Variants in DACH2 observed in about 807,000 individuals in gnomAD.
DACH2 encodes the protein dachshund family transcription factor 2.
DACH2 carries 17 observed loss-of-function variants against 35.8 expected under a neutral mutation model. The ratio of observed to expected loss-of-function variants is 0.48; its 90% CI spans 0.33 to 0.71. DACH2 has a LOEUF of 0.71. DACH2 is among the 30% of genes least tolerant of loss of function. The pLI is 0.02. For missense variants in DACH2, 469 were observed against 472.7 expected (o/e 0.99, Z 0.07); for synonymous variants, 195 against 177.3 (o/e 1.10, Z -0.79).
chrX:86,731,871 C>A (rs1255524064), intron 6 of DACH2, among the ~76,000 whole-genome samples: 1 of 111,585 alleles, frequency 9.0e-6, no homozygotes, highest in Non-Finnish European at 1.9e-5. Context: ...GATTTCCTTG[C>A]CTTCATGGAT....
intron 1 of DACH2, among the ~76,000 whole-genome samples, chrX:86,301,350 T>A (rs1001067239): frequency 8.9e-6 from 1 of 112,077 alleles, no homozygotes; most frequent in Admixed American, 9.5e-5. Flanking sequence ...ATAAATATAT[T>A]ACTGAAGACA....
chrX:86,396,369 C>T (rs1223339669), intron 2 of DACH2, among the ~76,000 whole-genome samples: 2 of 94,501 alleles, frequency 2.1e-5, no homozygotes, highest in Non-Finnish European at 4.2e-5. Context: ...GTTTCTTTTG[C>T]TGTGCAGAAG....
intron 7 of DACH2, among the ~76,000 whole-genome samples, chrX:86,767,991 T>C (rs1265753382): frequency 9.0e-6 from 1 of 111,731 alleles, no homozygotes; most frequent in East Asian, 2.8e-4. Context: ...GTTCATTCGC[T>C]GGTGGCTTGT....
At chrX:86,715,673 A>G (rs2041328210) in intron 6 of DACH2, among the ~76,000 whole-genome samples, 1 of 111,902 alleles carries the variant, frequency 8.9e-6, no homozygotes, top group African/African-American at 3.3e-5. Flanking sequence ...AGGAGCTCCC[A>G]AACATAAATG....
intron 3 of DACH2, among the ~76,000 whole-genome samples, chrX:86,638,933 AT>A (rs2148396180): frequency 8.9e-6 from 1 of 112,209 alleles, no homozygotes; most frequent in Non-Finnish European, 1.9e-5. Flanking sequence ...AAAAGGAATT[AT>A]TATATCAAAA....
chrX:86,799,157 C>CTTGG, intron 7 of DACH2: 1 of 310,734 alleles, frequency 3.2e-6, no homozygotes, highest in Non-Finnish European at 6.2e-6. Context: ...CCCTGGAACT[C>CTTGG]TTGGTTCTCG....
At chrX:86,444,438 C>T (rs1035279112) in intron 2 of DACH2, among the ~76,000 whole-genome samples, 43 of 111,354 alleles carry the variant, frequency 3.9e-4, no homozygotes, top group African/African-American at 1.4e-3. Context: ...GTCATGAGGT[C>T]CTGGGCTTTT....
At chrX:86,296,265 C>A (rs771944717) in intron 1 of DACH2, among the ~76,000 whole-genome samples, 1 of 102,146 alleles carries the variant, frequency 9.8e-6, no homozygotes, top group African/African-American at 3.6e-5. Context: ...CCTGTAGTCC[C>A]AGCTACTCGG....
chrX:86,265,291 C>A (rs1291595330), intron 1 of DACH2, among the ~76,000 whole-genome samples: 1 of 111,696 alleles, frequency 9.0e-6, no homozygotes, highest in Non-Finnish European at 1.9e-5. Flanking sequence ...TATTTATTTA[C>A]TTCCAATAGT....
At chrX:86,577,562 A>C (rs779520586) in intron 3 of DACH2, among the ~76,000 whole-genome samples, 1 of 111,832 alleles carries the variant, frequency 8.9e-6, no homozygotes, top group Non-Finnish European at 1.9e-5. Flanking sequence ...ATTTTAAAAT[A>C]TTTGTTTGGT....
intron 1 of DACH2, among the ~76,000 whole-genome samples, chrX:86,287,499 G>A (rs927242017): frequency 9.0e-6 from 1 of 111,254 alleles, no homozygotes; most frequent in Admixed American, 9.6e-5. Flanking sequence ...TTCTCTGCCT[G>A]CTCTTTATGG....
chrX:86,242,514 G>A (rs2033188228), intron 1 of DACH2, among the ~76,000 whole-genome samples: 1 of 112,137 alleles, frequency 8.9e-6, no homozygotes, highest in Non-Finnish European at 1.9e-5. Flanking sequence ...TAGGCAGAAA[G>A]GACTTGCCTT....
intron 3 of DACH2, among the ~76,000 whole-genome samples, chrX:86,607,946 A>G (rs1169787876): frequency 9.4e-6 from 1 of 105,970 alleles, no homozygotes; most frequent in Non-Finnish European, 1.9e-5. Context: ...ATGGCTGCAT[A>G]GTATTCCATG....
intron 3 of DACH2, among the ~76,000 whole-genome samples, chrX:86,577,803 T>C (rs1455360215): frequency 1.8e-5 from 2 of 111,110 alleles, no homozygotes; most frequent in African/African-American, 6.6e-5. Flanking sequence ...AATAACGTCT[T>C]CCTAAGAACC....
At chrX:86,344,831 CT>C (rs1283727181) in intron 1 of DACH2, among the ~76,000 whole-genome samples, 1 of 111,749 alleles carries the variant, frequency 8.9e-6, no homozygotes, top group Admixed American at 9.6e-5. Context: ...CATTTCACAA[CT>C]TTCTCTCTGG....
intron 1 of DACH2, among the ~76,000 whole-genome samples, chrX:86,273,789 GC>G (rs1190521316): frequency 8.9e-6 from 1 of 111,778 alleles, no homozygotes; most frequent in Non-Finnish European, 1.9e-5. Context: ...AAAATACTTT[GC>G]TTTTCCAAAT....
At chrX:86,799,755 T>A (rs944301224) in intron 7 of DACH2, among the ~76,000 whole-genome samples, 1 of 112,402 alleles carries the variant, frequency 8.9e-6, no homozygotes, top group Non-Finnish European at 1.9e-5. Context: ...AGAGTAAATT[T>A]TTTTAAAGAA....
intron 3 of DACH2, among the ~76,000 whole-genome samples, chrX:86,632,898 G>T (rs2040218418): frequency 9.1e-6 from 1 of 110,191 alleles, no homozygotes; most frequent in South Asian, 3.8e-4. Flanking sequence ...AAACAAAAAT[G>T]AAGATGCAAT....
intron 11 of DACH2, among the ~76,000 whole-genome samples, chrX:86,819,792 C>T (rs1275823269): frequency 2.7e-5 from 3 of 111,306 alleles, no homozygotes; most frequent in Admixed American, 1.9e-4. Context: ...CACATTACTG[C>T]AACAGCTCCT....
Sources: allele counts gnomAD v4.1 joint callset (sites outside exome capture counted in the v4.1 genomes callset), GRCh38; gene constraint gnomAD v4.1.1; transcripts MANE v1.5; gene names NCBI Gene and HGNC (gene_info 2026-07-23, HGNC 2026-07-21).